The following LCP2 variants were observed in gnomAD, a reference collection of about 807,000 sequenced individuals.
LCP2 encodes the protein 76 kDa tyrosine phosphoprotein.
LCP2 carries 29 observed loss-of-function variants against 74.5 expected under a neutral mutation model. The observed-to-expected ratio is 0.39, with a 90% confidence interval of 0.29 to 0.53. The LOEUF is 0.53. Among genes scored for constraint, LCP2 ranks in the 20% least tolerant of loss-of-function variants. The pLI is 0.72. For missense variants in LCP2, 604 were observed against 634.6 expected (o/e 0.95, Z 0.52); for synonymous variants, 228 against 229.5 (o/e 0.99, Z 0.06).
chr5:170,270,749 G>A lies in LCP2; in HGVS notation c.493C>T (p.Pro165Ser), dbSNP rs746525662. The A allele has an allele frequency of 6.3e-7, 1 of 1,593,314 alleles. No individual in the cohort carries two copies. Among genetic ancestry groups the A allele is most frequent in the Non-Finnish European group, 8.5e-7 (1 of 1,170,936 alleles). ...TACATGGAGTTGGAGTTGGGGAAAG[G>A]CTTGGCAGGCAGGATGGAGTTCTGC... The part of the protein sequence containing the change: ...ALQNSILPAK[P>S]FPNSNSMYID... The change falls in exon 7 of 21, where the codon CCT becomes TCT. Residue 165 changes from proline (P) to serine (S), a missense_variant. Coordinates refer to ENST00000046794, the MANE Select transcript of LCP2 (RefSeq NM_005565.5).
intron 20 of LCP2, 22 bp downstream of exon 20, chr5:170,250,708 T>A (rs1404646401): frequency 3.7e-6 from 6 of 1,604,824 alleles, no homozygotes; most frequent in Non-Finnish European, 5.1e-6. Flanking sequence ...TTTGGGAAAA[T>A]GTCGAAATTT....
rs760583219 is a variant in LCP2, at chr5:170,293,318, G to A, written c.133C>T (p.Arg45Cys). The change falls in exon 2 of 21, where the codon CGC becomes TGC. Residue 45 changes from arginine (R) to cysteine (C), a missense_variant. By Grantham distance (180) the Arg-to-Cys change is radical. Transcript: ENST00000046794. The part of the protein sequence containing the change: ...AVKKYHIDGA[R>C]FLNLTENDIQ... The stretch of plus-strand genomic sequence containing the variant: ...GACTAGCCAGAGCTTACCAAGAAGC[G>A]AGCCCCATCGATGTGGTACTTCTTC... The A allele has an allele frequency of 1.1e-5, 18 of 1,607,350 alleles. No individual in the cohort carries two copies. Among genetic ancestry groups the A allele is most frequent in the Admixed American group, 8.5e-5 (5 of 59,138 alleles).
At chr5:170,289,758 C>CTTT (rs33981922) in intron 2 of LCP2, among the ~76,000 whole-genome samples, 12,261 of 123,232 alleles carry the variant, frequency 0.099, 1,094 homozygotes, top group Non-Finnish European at 0.12. Flanking sequence ...TTTTCTTTCT[C>CTTT]TTTTTTTTTT....
intron 3 of LCP2, among the ~76,000 whole-genome samples, chr5:170,279,650 A>G (rs893082988): frequency 6.6e-6 from 1 of 152,178 alleles, no homozygotes; most frequent in African/African-American, 2.4e-5. Context: ...GATTTTTATT[A>G]TCATCCAAAA....
intron 14 of LCP2, among the ~76,000 whole-genome samples, chr5:170,259,825 A>C (rs1424076099): frequency 6.6e-6 from 1 of 152,196 alleles, no homozygotes; most frequent in Non-Finnish European, 1.5e-5. Context: ...TGGGCTCATA[A>C]ACCCCACACA....
intron 3 of LCP2, among the ~76,000 whole-genome samples, chr5:170,285,240 T>A (rs1323996299): frequency 1.3e-5 from 2 of 152,190 alleles, no homozygotes; most frequent in Admixed American, 1.3e-4. Context: ...TCTGTTTGGG[T>A]CTTTTTTTGA....
At chr5:170,289,730 TTCCTG>T (rs1227739381) in intron 2 of LCP2, among the ~76,000 whole-genome samples, 3 of 138,724 alleles carry the variant, frequency 2.2e-5, no homozygotes, top group Admixed American at 7.7e-5. Context: ...TTCCTTTCCT[TTCCTG>T]TCTTTTCTTT....
chr5:170,262,704 G>A lies in LCP2; in HGVS notation c.857C>T (p.Pro286Leu). ...GEHLPKIQKP[P>L]LPPTTERHER... Reference sequence around the variant, plus strand: ...ATGTCTTTCCGTGGTCGGTGGTAAAGGAGGCTTTTGAATCTTGGGTAAATG... The same window carrying A: ...ATGTCTTTCCGTGGTCGGTGGTAAAAGAGGCTTTTGAATCTTGGGTAAATG... The change falls in exon 13 of 21, where the codon CCT becomes CTT. Residue 286 changes from proline (P) to leucine (L), a missense_variant. Coordinates refer to ENST00000046794, the MANE Select transcript of LCP2 (RefSeq NM_005565.5). 6.2e-7 allele frequency: 1 copy of A among 1,614,016 alleles called. No homozygotes were observed. Among genetic ancestry groups the A allele is most frequent in the Non-Finnish European group, 8.5e-7 (1 of 1,179,884 alleles).
At position 170,261,136 on chromosome 5, in the gene LCP2, G is replaced by C; in HGVS notation, c.928C>G (p.His310Asp). The change falls in exon 14 of 21, where the codon CAT (histidine) becomes GAT (aspartate). Residue 310 changes from histidine (H) to aspartate (D), a missense_variant and splice_region_variant. His to Asp is a moderately conservative substitution (Grantham distance 81). Coordinates refer to ENST00000046794, the MANE Select transcript of LCP2 (RefSeq NM_005565.5). Reference protein sequence around the residue: ...LPGKKPPVPKHGWGPDRREND... With the variant: ...LPGKKPPVPKDGWGPDRREND... Reference sequence around the variant, plus strand: ...TCTCTTCTGTCTGGTCCCCATCCATGCCTGAAATGAATTAGGGCAAATAAA... The same window carrying C: ...TCTCTTCTGTCTGGTCCCCATCCATCCCTGAAATGAATTAGGGCAAATAAA... The C allele has an allele frequency of 6.2e-7, 1 of 1,601,782 alleles. No individual in the cohort carries two copies. Among genetic ancestry groups the C allele is most frequent in the South Asian group, 1.1e-5 (1 of 90,544 alleles).
chr5:170,271,330 T>C (rs1380183623), intron 6 of LCP2, among the ~76,000 whole-genome samples: 1 of 152,088 alleles, frequency 6.6e-6, no homozygotes, highest in Non-Finnish European at 1.5e-5. Flanking sequence ...TGTTCAAGGG[T>C]GCCTGTGCTC....
chr5:170,269,341 G>A (rs1379944883), intron 7 of LCP2, among the ~76,000 whole-genome samples: 1 of 152,196 alleles, frequency 6.6e-6, no homozygotes, highest in Non-Finnish European at 1.5e-5. Flanking sequence ...GCCTCCTTAC[G>A]CTTTGTGCCC....
intron 9 of LCP2, 53 bp downstream of exon 9, chr5:170,266,956 C>T (rs567640304): frequency 1.9e-6 from 3 of 1,595,140 alleles, no homozygotes; most frequent in South Asian, 2.2e-5. Flanking sequence ...TTGGGCGGGG[C>T]TAGGGGAGTG....
chr5:170,256,526 C>G lies in LCP2; in HGVS notation c.1150G>C (p.Gly384Arg). ...CGTCACAAAAGCCCAGAGTACAAACCTTGAGAGAAGTATGGTGGCAGGGAG... is the reference window on the plus strand; with the variant it reads ...CGTCACAAAAGCCCAGAGTACAAACGTTGAGAGAAGTATGGTGGCAGGGAG... ...SASLPPYFSQ[G>R]PSNRPPIRAE... The change falls in exon 17 of 21, where the codon GGC becomes CGC. Residue 384 changes from glycine to arginine, a missense_variant and splice_region_variant. Transcript: ENST00000046794. This position sits in a 1 kb window ranked among gnomAD's most constrained non-coding sequence, Gnocchi z 4.5. 6.2e-7 allele frequency: 1 copy of G among 1,612,466 alleles called. No individual in the cohort carries two copies. The highest frequency in any genetic ancestry group is 8.5e-7 in the Non-Finnish European group (1 of 1,178,566).
intron 3 of LCP2, among the ~76,000 whole-genome samples, chr5:170,285,571 G>A (rs559594326): frequency 4.8e-4 from 73 of 152,274 alleles, no homozygotes; most frequent in Middle Eastern, 6.8e-3. Context: ...TTCTAGCCAG[G>A]ACCTGAACAA....
intron 7 of LCP2, among the ~76,000 whole-genome samples, chr5:170,269,450 A>G (rs573192948): frequency 4.6e-5 from 7 of 152,166 alleles, no homozygotes; most frequent in Non-Finnish European, 8.8e-5. Flanking sequence ...ATCTAATTCC[A>G]CCCTGCTCCA....
At position 170,266,664 on chromosome 5, in the gene LCP2, T is replaced by C. The variant is rs1047712852; in HGVS notation, c.772+144A>G. Reference sequence around the variant, plus strand: ...CTCTTTGTGTCTCCGTTTCCTTATCTGTAAAATGAGGATGATTCTACTAGT... The same window carrying C: ...CTCTTTGTGTCTCCGTTTCCTTATCCGTAAAATGAGGATGATTCTACTAGT... On this transcript the variant is annotated intron_variant, in intron 10 of 20. Coordinates refer to ENST00000046794, the MANE Select transcript of LCP2 (RefSeq NM_005565.5). The C allele has an allele frequency of 2.1e-5, 16 of 754,004 alleles. No homozygotes were observed. In the African/African-American group the frequency reaches 2.4e-4, roughly 11 times the overall value. The allele number at this position is 754,004 out of a possible 1,614,324, so 46.7% of individuals were successfully genotyped here.
intron 6 of LCP2, 89 bp downstream of exon 6, chr5:170,274,212 C>G (rs753486940): frequency 7.4e-7 from 1 of 1,360,152 alleles, no homozygotes. Context: ...GTTAGAGCCC[C>G]GCTTCACTTG....
intron 2 of LCP2, 140 bp from the exon 3 acceptor site, chr5:170,288,156 C>G (rs1454210683): frequency 1.3e-6 from 1 of 780,250 alleles, no homozygotes; most frequent in East Asian, 2.8e-5. Flanking sequence ...TGCCCACCCA[C>G]CCTCCCCAAG....
At chr5:170,271,444 C>G (rs745824138) in intron 6 of LCP2, among the ~76,000 whole-genome samples, 2 of 152,062 alleles carry the variant, frequency 1.3e-5, no homozygotes, top group Non-Finnish European at 2.9e-5. Context: ...TAAGTTGTGT[C>G]GAGGAGGGGA....
Sources: allele counts gnomAD v4.1 joint callset (sites outside exome capture counted in the v4.1 genomes callset), GRCh38; gene constraint gnomAD v4.1.1; non-coding constraint Gnocchi (gnomAD v3.1); transcripts MANE v1.5; gene names NCBI Gene and HGNC (gene_info 2026-07-23, HGNC 2026-07-21).